ADGRB3: variants seen among roughly 807,000 people sequenced by gnomAD.
ADGRB3 encodes brain-specific angiogenesis inhibitor 3.
A neutral mutation model predicts 193.4 loss-of-function variants in ADGRB3; 37 were observed. The observed-to-expected ratio is 0.19, with a 90% CI of 0.15 to 0.25. ADGRB3 has a LOEUF of 0.25. Ranked by LOEUF, ADGRB3 falls within the 10% of genes least tolerant of loss-of-function variation. ADGRB3 has a pLI of 1.00. For missense variants in ADGRB3, 1,637 were observed against 1,852.9 expected, an observed-to-expected ratio of 0.88 and a Z score of 2.14; for synonymous variants, 690 against 644.2, an observed-to-expected ratio of 1.07 and a Z score of -1.08.
rs768890206 is a variant in ADGRB3 at position 68,639,383 on chromosome 6, C to A, written c.708C>A (p.Thr236=). Residue 236 remains threonine (T), a synonymous_variant, in exon 3 of 32, where the codon ACC becomes ACA. Transcript: ENST00000370598. ...TEGCLTQELQ[T]TQVCNLTREA... ...GCTGCCTGACCCAGGAGCTGCAAAC[C>A]ACCCAAGTCTGCAATCTTACCAGGG... is the stretch of plus-strand genomic sequence containing the variant. The A allele has an allele frequency of 1.2e-6, 2 of 1,613,442 alleles. No homozygotes were observed. The highest frequency in any genetic ancestry group is 1.3e-5 in the African/African-American group (1 of 74,894).
intron 20 of ADGRB3, among the ~76,000 whole-genome samples, chr6:69,288,647 T>G (rs1652054947): frequency 6.6e-6 from 1 of 152,328 alleles, no homozygotes; most frequent in East Asian, 1.9e-4. Context: ...ATCACAATTC[T>G]TGCAGATGTG....
intron 17 of ADGRB3, chr6:69,232,554 A>G (rs1353499270): frequency 6.5e-7 from 1 of 1,535,688 alleles, no homozygotes; most frequent in Admixed American, 2.0e-5. Flanking sequence ...CAGGGCAAAG[A>G]AGCAGTTGAG....
At chr6:69,025,434 C>A (rs17401137) in intron 13 of ADGRB3, among the ~76,000 whole-genome samples, 6,110 of 151,938 alleles carry the variant, frequency 0.04, 166 homozygotes, top group Non-Finnish European at 0.063. Flanking sequence ...TTGTGATTCA[C>A]ACATCCCCAT....
chr6:69,191,267 T>A (rs1285418939), intron 17 of ADGRB3, among the ~76,000 whole-genome samples: 1 of 152,096 alleles, frequency 6.6e-6, no homozygotes, highest in African/African-American at 2.4e-5. Context: ...CTACTTGTAA[T>A]CAATATCAGC....
intron 17 of ADGRB3, among the ~76,000 whole-genome samples, chr6:69,226,192 A>G (rs1170028504): frequency 6.6e-6 from 1 of 152,196 alleles, no homozygotes; most frequent in Non-Finnish European, 1.5e-5. Flanking sequence ...CCTGTGAGAT[A>G]ATTTCCAGTG....
intron 20 of ADGRB3, among the ~76,000 whole-genome samples, chr6:69,296,648 C>T (rs1056163134): frequency 2.6e-5 from 4 of 152,110 alleles, no homozygotes; most frequent in South Asian, 4.1e-4. Flanking sequence ...GATGGCCATT[C>T]TCTTAGTAAT....
At chr6:69,064,453 T>C (rs1771840141) in intron 16 of ADGRB3, among the ~76,000 whole-genome samples, 1 of 152,040 alleles carries the variant, frequency 6.6e-6, no homozygotes, top group South Asian at 2.1e-4. Context: ...GAACGTGTTT[T>C]AGTTCTACAA....
intron 3 of ADGRB3, among the ~76,000 whole-genome samples, chr6:68,858,782 A>G (rs1012415252): frequency 6.6e-6 from 1 of 152,122 alleles, no homozygotes; most frequent in Non-Finnish European, 1.5e-5. Context: ...GACACAGGGC[A>G]TCAAGTCCCT....
intron 23 of ADGRB3, chr6:69,331,677 A>G (rs1437233909): frequency 1.8e-5 from 18 of 985,404 alleles, no homozygotes; most frequent in East Asian, 1.1e-4. Context: ...TTGAATTTTT[A>G]TTTAATCAAC....
intron 3 of ADGRB3, among the ~76,000 whole-genome samples, chr6:68,871,081 T>A (rs1311077109): frequency 6.6e-6 from 1 of 152,158 alleles, no homozygotes; most frequent in Non-Finnish European, 1.5e-5. Flanking sequence ...ATATGAGGAA[T>A]GTACTAAGGC....
At chr6:68,769,061 A>G (rs1766566616) in intron 3 of ADGRB3, among the ~76,000 whole-genome samples, 1 of 152,340 alleles carries the variant, frequency 6.6e-6, no homozygotes, top group Middle Eastern at 3.4e-3. Flanking sequence ...GAGGATGTGG[A>G]GAAATAGGAA....
At chr6:69,351,788 A>C (rs1241961119) in intron 26 of ADGRB3, among the ~76,000 whole-genome samples, 1 of 152,238 alleles carries the variant, frequency 6.6e-6, no homozygotes, top group Non-Finnish European at 1.5e-5. Context: ...GAAACCTACA[A>C]AAATTGTATT....
intron 20 of ADGRB3, among the ~76,000 whole-genome samples, chr6:69,284,074 A>G (rs926137140): frequency 1.1e-4 from 16 of 152,188 alleles, no homozygotes; most frequent in African/African-American, 2.9e-4. Context: ...CTACTGTTCT[A>G]TAAGGTGATA....
At chr6:68,957,789 T>C (rs1768114248) in intron 8 of ADGRB3, among the ~76,000 whole-genome samples, 1 of 152,212 alleles carries the variant, frequency 6.6e-6, no homozygotes, top group Admixed American at 6.5e-5. Flanking sequence ...CAAAGCTTTG[T>C]ATTTTTCCAA....
Position 69,235,141 on chromosome 6 carries a change from T to C in ADGRB3, c.2711+6T>C, listed in dbSNP as rs202033426. 3.9e-4 allele frequency: 614 copies of C among 1,576,682 alleles called. 1 individual carries two copies. The African/African-American group carries it at 7.1e-3, about 18-fold the overall frequency. ...GTCTATGCAGCATTATGGAGGTAAG[T>C]AATCAATTGATAGACCTGAAATGCA... On this transcript the variant is annotated splice_donor_region_variant and intron_variant, in intron 19 of 31. Transcript: ENST00000370598.
chr6:69,070,280 A>C (rs1772042389), intron 16 of ADGRB3, among the ~76,000 whole-genome samples: 1 of 152,208 alleles, frequency 6.6e-6, no homozygotes, highest in Admixed American at 6.5e-5. Context: ...AGCATTCAAA[A>C]ATCTGAATAA....
In ADGRB3 at chr6:69,360,875, A is replaced by G. The variant is rs750449981; in HGVS notation, c.3602A>G (p.His1201Arg). ...DVDIACRSVLHKDIGPCRAAT... is the reference protein window; with the variant it reads ...DVDIACRSVLRKDIGPCRAAT... Reference sequence around the variant, plus strand: ...TTTACATTCCTACTCACAGTTCTTCATAAGGATATTGGTCCTTGCCGAGCA... The same window carrying G: ...TTTACATTCCTACTCACAGTTCTTCGTAAGGATATTGGTCCTTGCCGAGCA... The change falls in exon 29 of 32, where the codon CAT (histidine) becomes CGT (arginine). Residue 1201 changes from histidine (H) to arginine (R), a missense_variant. By Grantham distance (29) the His-to-Arg change is conservative (BLOSUM62 0). This residue lies in a region of ADGRB3 where 116 missense variants were observed against 168.1 expected (regional missense o/e 0.69). Transcript: ENST00000370598. The G allele has an allele frequency of 1.3e-6, 2 of 1,592,866 alleles. No individual in the cohort carries two copies. The highest frequency in any genetic ancestry group is 1.1e-5 in the South Asian group (1 of 87,922).
At chr6:69,381,352 T>C (rs1194430185) in intron 30 of ADGRB3, among the ~76,000 whole-genome samples, 8 of 151,956 alleles carry the variant, frequency 5.3e-5, no homozygotes, top group Non-Finnish European at 1.2e-4. Context: ...TCATGAGTAA[T>C]GTTGCCATGT....
At position 69,042,598 on chromosome 6, in the gene ADGRB3, A is replaced by G. The variant is rs568284105; in HGVS notation, c.2108-5587A>G. ...GTCCCTGTGTGCTTGGTATGGATACACTAACAAAACAAATAGATGCTTTTC... is the reference window on the plus strand; with the variant it reads ...GTCCCTGTGTGCTTGGTATGGATACGCTAACAAAACAAATAGATGCTTTTC... On this transcript the variant is annotated intron_variant, in intron 13 of 31. Transcript: ENST00000370598. 1.2e-4 allele frequency among the ~76,000 whole-genome samples: 18 copies of G among 152,352 alleles called. No homozygotes were observed. The East Asian group carries it at 1.9e-3, about 16-fold the overall frequency.
Sources: allele counts gnomAD v4.1 joint callset (sites outside exome capture counted in the v4.1 genomes callset), GRCh38; gene constraint gnomAD v4.1.1; regional missense constraint gnomAD v4.1.1; transcripts MANE v1.5; gene names NCBI Gene and HGNC (gene_info 2026-07-23, HGNC 2026-07-21).